Variants in FNBP1 observed in about 807,000 individuals in gnomAD.
FNBP1 encodes the protein formin-binding protein 1.
In FNBP1, 26 loss-of-function variants were observed where a neutral mutation model predicts 90.6. The ratio of observed to expected loss-of-function variants is 0.29; its 90% CI spans 0.21 to 0.40. The LOEUF (loss-of-function observed/expected upper bound fraction) is 0.40, where lower values mean the gene tolerates loss of function less well. Among genes scored for constraint, FNBP1 ranks in the 10% least tolerant of loss-of-function variants. FNBP1 has a pLI of 1.00. For synonymous variants in FNBP1, 260 were observed against 265.2 expected (o/e 0.98, Z 0.19); for missense variants, 635 against 768.0 (o/e 0.83, Z 2.05).
At chr9:130,016,606 G>C (rs1247820694) in intron 1 of FNBP1, among the ~76,000 whole-genome samples, 1 of 152,130 alleles carries the variant, frequency 6.6e-6, no homozygotes, top group Non-Finnish European at 1.5e-5. Context: ...AGCTGGGCGT[G>C]GTGGTGCACG....
In FNBP1 at chr9:129,978,726, T is replaced by C. The variant is rs191676080; in HGVS notation, c.198-114A>G. On this transcript the variant is annotated intron_variant, in intron 3 of 16. Transcript: ENST00000446176. ...CAGGTTAATTGGCATCCACCTCCCATAGGATCCTGAGTATTCATTACACAT... is the reference window on the plus strand; with the variant it reads ...CAGGTTAATTGGCATCCACCTCCCACAGGATCCTGAGTATTCATTACACAT... 70 of 981,558 alleles carry C rather than the reference T, an allele frequency of 7.1e-5. No individual in the cohort carries two copies. In the African/African-American group the frequency reaches 9.7e-4, roughly 14 times the overall value. 60.8% of individuals were successfully genotyped at this position (981,558 alleles called of 1,614,324 possible). A position where few individuals can be genotyped will look rare whatever the true frequency, so the allele number is the denominator to read the frequency against.
At chr9:130,005,248 T>C (rs1002290509) in intron 1 of FNBP1, among the ~76,000 whole-genome samples, 2 of 148,922 alleles carry the variant, frequency 1.3e-5, no homozygotes. Context: ...AAAAGAACTT[T>C]ACAAACAAAA....
intron 6 of FNBP1, among the ~76,000 whole-genome samples, chr9:129,931,780 A>G (rs1264324544): frequency 6.7e-6 from 1 of 149,954 alleles, no homozygotes; most frequent in Non-Finnish European, 1.5e-5. Flanking sequence ...CCTGGGTAAC[A>G]GAGCAAGACT....
At position 129,957,198 on chromosome 9, in the gene FNBP1, C is replaced by G. The variant is rs2047085113; in HGVS notation, c.513+162G>C. On this transcript the variant is annotated intron_variant, in intron 6 of 16. Transcript: ENST00000446176. The surrounding 1 kb of genome is among the most constrained non-coding windows in gnomAD (Gnocchi z 4.3). ...GATTATAGGTGCCTGCCACTGCACTCAGCTAATTTTTGTGTTTTTCGTAGA... is the reference window on the plus strand; with the variant it reads ...GATTATAGGTGCCTGCCACTGCACTGAGCTAATTTTTGTGTTTTTCGTAGA... Among the ~76,000 whole-genome samples the G allele has an allele frequency of 6.6e-6, 1 of 152,064 alleles. No individual in the cohort carries two copies. The highest frequency in any genetic ancestry group is 1.5e-5 in the Non-Finnish European group (1 of 68,014).
chr9:129,971,805 C>A (rs2049496055), intron 4 of FNBP1, among the ~76,000 whole-genome samples: 1 of 152,236 alleles, frequency 6.6e-6, no homozygotes, highest in Non-Finnish European at 1.5e-5. Flanking sequence ...CATTTTTCAT[C>A]ACGCTTACCC....
chr9:130,019,938 A>G (rs183770088), intron 1 of FNBP1, among the ~76,000 whole-genome samples: 1,700 of 152,250 alleles, frequency 0.011, 20 homozygotes, highest in Middle Eastern at 0.051. Flanking sequence ...AAAACAAAAA[A>G]GGCTACAGAA....
chr9:129,947,448 A>AAAAAAAAAAAAAAAAAG (rs1204848435), intron 6 of FNBP1, among the ~76,000 whole-genome samples: 6 of 151,098 alleles, frequency 4.0e-5, no homozygotes, highest in Non-Finnish European at 5.9e-5. Context: ...CTCAAAAAAA[A>AAAAAAAAAAAAAAAAAG]AAAAGAAAAG....
chr9:129,956,419 G>A (rs771691323), intron 6 of FNBP1, among the ~76,000 whole-genome samples: 40 of 152,220 alleles, frequency 2.6e-4, no homozygotes, highest in Middle Eastern at 3.4e-3. Flanking sequence ...TCCTTGTTAT[G>A]TAAAAGCCTA....
Position 129,895,856 on chromosome 9 carries a change from A to G in FNBP1, c.1828T>C (p.Leu610=). The G allele has an allele frequency of 1.2e-6, 2 of 1,609,538 alleles. No homozygotes were observed. Among genetic ancestry groups the G allele is most frequent in the Non-Finnish European group, 1.7e-6 (2 of 1,178,464 alleles). The stretch of plus-strand genomic sequence containing the variant: ...TTAGCACCTTTGGCATTTTTGTCCA[A>G]ACAGACTTCGACATATGAAGTGGGG... The part of the protein sequence containing the change: ...YVPTSYVEVC[L]DKNAKDS Residue 610 remains leucine, a synonymous_variant, in exon 16 of 17, where the codon TTG becomes CTG. Transcript: ENST00000446176.
At chr9:129,969,889 C>CT (rs35399090) in intron 4 of FNBP1, among the ~76,000 whole-genome samples, 117,677 of 132,542 alleles carry the variant, frequency 0.89, 52,392 homozygotes, top group South Asian at 0.91. Context: ...ATATTCCTAA[C>CT]TTTTTTTTTT....
chr9:129,992,955 G>C (rs1349122007), intron 2 of FNBP1, among the ~76,000 whole-genome samples: 2 of 149,806 alleles, frequency 1.3e-5, no homozygotes, highest in Non-Finnish European at 3.0e-5. Context: ...GGCTGGGCAC[G>C]GTGGCTCACG....
intron 1 of FNBP1, among the ~76,000 whole-genome samples, chr9:130,039,491 A>G (rs1000458718): frequency 1.1e-4 from 16 of 152,116 alleles, no homozygotes; most frequent in East Asian, 3.8e-4. Flanking sequence ...CCTGGCCAAC[A>G]TGGTGAAACC....
intron 2 of FNBP1, among the ~76,000 whole-genome samples, chr9:129,991,579 AT>A (rs2053165281): frequency 6.6e-6 from 1 of 151,844 alleles, no homozygotes; most frequent in Non-Finnish European, 1.5e-5. Context: ...AGACATGTGG[AT>A]TTTTAAGTTG....
At chr9:129,980,083 G>A (rs1297951983) in intron 2 of FNBP1, among the ~76,000 whole-genome samples, 2 of 151,740 alleles carry the variant, frequency 1.3e-5, no homozygotes, top group African/African-American at 2.4e-5. Context: ...AGTGCCGGCC[G>A]GGCACAGTGG....
At chr9:129,960,295 T>G (rs1454990860) in intron 4 of FNBP1, among the ~76,000 whole-genome samples, 1 of 146,308 alleles carries the variant, frequency 6.8e-6, no homozygotes, top group East Asian at 2.0e-4. Context: ...GATAATTGCT[T>G]AAAACCTAGG....
At chr9:129,927,148 A>C (rs751858426) in intron 8 of FNBP1, 47 bp downstream of exon 8, 1 of 1,594,752 alleles carries the variant, frequency 6.3e-7, no homozygotes, top group Non-Finnish European at 8.6e-7. Context: ...GGGAGAAATA[A>C]TGGATCTGCA....
At chr9:129,988,629 AT>A (rs1234768764) in intron 2 of FNBP1, among the ~76,000 whole-genome samples, 3 of 152,084 alleles carry the variant, frequency 2.0e-5, no homozygotes, top group Non-Finnish European at 2.9e-5. Context: ...GTGAGCTGAG[AT>A]TGTACCACTG....
chr9:130,050,419 G>C, the FNBP1 span, among the ~76,000 whole-genome samples: 1 of 152,126 alleles, frequency 6.6e-6, no homozygotes, highest in African/African-American at 2.4e-5. Context: ...AAGTGTGTCA[G>C]AGCCTGGCTT....
chr9:130,041,745 G>C lies in FNBP1; in HGVS notation c.24+1207C>G, dbSNP rs1436504092. Among the ~76,000 whole-genome samples the C allele has an allele frequency of 6.6e-6, 1 of 152,106 alleles. No homozygotes were observed. Among genetic ancestry groups the C allele is most frequent in the Non-Finnish European group, 1.5e-5 (1 of 68,020 alleles). ...GTAGCTGCTTCTGTACCTAACAAAT[G>C]GTTATGTAAAAACAATTAAAGCAAA... On this transcript the variant is annotated intron_variant, in intron 1 of 16. Transcript: ENST00000446176. The surrounding 1 kb of genome is among the most constrained non-coding windows in gnomAD (Gnocchi z 4.3).
Sources: allele counts gnomAD v4.1 joint callset (sites outside exome capture counted in the v4.1 genomes callset), GRCh38; gene constraint gnomAD v4.1.1; non-coding constraint Gnocchi (gnomAD v3.1); transcripts MANE v1.5; gene names NCBI Gene and HGNC (gene_info 2026-07-23, HGNC 2026-07-21).